The following PKIB variants were observed in gnomAD, a reference collection of about 807,000 sequenced individuals.
PKIB encodes cAMP-dependent protein kinase inhibitor beta, also known as PKI-beta.
In PKIB, 2 loss-of-function variants were observed where a neutral mutation model predicts 4.5. The observed-to-expected ratio is 0.44, with a 90% confidence interval of 0.18 to 1.39. PKIB has a LOEUF of 1.39. Among genes scored for constraint, PKIB ranks in the 40% most tolerant of loss-of-function variants. The pLI, the probability that PKIB is intolerant of heterozygous loss-of-function variation, is 0.27. For synonymous variants in PKIB, 38 were observed against 36.0 expected, an observed-to-expected ratio of 1.06 and a Z score of -0.20; for missense variants, 94 against 92.6, an observed-to-expected ratio of 1.02 and a Z score of -0.06.
At chr6:122,707,629 G>A (rs973350843) in intron 3 of PKIB, among the ~76,000 whole-genome samples, 3 of 152,024 alleles carry the variant, frequency 2.0e-5, no homozygotes, top group African/African-American at 7.2e-5. Context: ...GTTGGTATAT[G>A]CTCTCTAATG....
intron 2 of PKIB, among the ~76,000 whole-genome samples, chr6:122,557,905 A>T (rs1772893967): frequency 6.6e-6 from 1 of 152,152 alleles, no homozygotes; most frequent in Non-Finnish European, 1.5e-5. Context: ...TTTACAATGT[A>T]TCCCTTACCC....
intron 3 of PKIB, among the ~76,000 whole-genome samples, chr6:122,600,037 A>AGC (rs61540400): frequency 1.7e-3 from 260 of 149,858 alleles, no homozygotes; most frequent in Non-Finnish European, 2.5e-3. Context: ...CTATAGCTAT[A>AGC]TCTATCTATA....
At chr6:122,544,549 T>G (rs2114643786) in intron 2 of PKIB, among the ~76,000 whole-genome samples, 1 of 152,098 alleles carries the variant, frequency 6.6e-6, no homozygotes, top group East Asian at 1.9e-4. Context: ...AGGGGTGTTT[T>G]GAGATTTGGG....
At chr6:122,597,089 G>A (rs2082195) in intron 3 of PKIB, among the ~76,000 whole-genome samples, 58,549 of 151,912 alleles carry the variant, frequency 0.39, 11,815 homozygotes, top group South Asian at 0.58. Flanking sequence ...TTTTACTGAG[G>A]TAGAAAGTCC....
chr6:122,486,141 T>C (rs529001504), intron 2 of PKIB, among the ~76,000 whole-genome samples: 1 of 152,250 alleles, frequency 6.6e-6, no homozygotes, highest in African/African-American at 2.4e-5. Context: ...AACTTAAAAA[T>C]AAACTTTTTT....
intron 2 of PKIB, among the ~76,000 whole-genome samples, chr6:122,530,249 T>G (rs1432546081): frequency 6.6e-6 from 1 of 152,148 alleles, no homozygotes; most frequent in East Asian, 1.9e-4. Flanking sequence ...ATTGTTGAAA[T>G]TTTCAGCTCC....
intron 3 of PKIB, among the ~76,000 whole-genome samples, chr6:122,695,586 G>T (rs1022017928): frequency 2.6e-5 from 4 of 152,090 alleles, no homozygotes; most frequent in Non-Finnish European, 4.4e-5. Context: ...AAATATTCTT[G>T]TTGAAATGAT....
chr6:122,633,634 A>T (rs1474015638), intron 2 of PKIB, among the ~76,000 whole-genome samples: 1 of 152,148 alleles, frequency 6.6e-6, no homozygotes, highest in African/African-American at 2.4e-5. Context: ...TTGGTTTGAT[A>T]TTTCCACTCT....
At chr6:122,600,428 T>C (rs898027507) in intron 3 of PKIB, among the ~76,000 whole-genome samples, 1 of 152,178 alleles carries the variant, frequency 6.6e-6, no homozygotes, top group African/African-American at 2.4e-5. Context: ...GTATTAACTA[T>C]CACAGACTGA....
chr6:122,677,938 C>T (rs1238916443), intron 3 of PKIB, among the ~76,000 whole-genome samples: 2 of 151,496 alleles, frequency 1.3e-5, no homozygotes, highest in Admixed American at 6.6e-5. Context: ...AATGGAGTCT[C>T]GCTCTGTCGC....
At chr6:122,587,773 G>A (rs1338446423) in intron 3 of PKIB, among the ~76,000 whole-genome samples, 17 of 152,242 alleles carry the variant, frequency 1.1e-4, no homozygotes, top group African/African-American at 3.6e-4. Context: ...TTCTCTGATG[G>A]CCAGTGATGA....
chr6:122,525,501 A>G (rs1051455061), intron 2 of PKIB, among the ~76,000 whole-genome samples: 11 of 152,208 alleles, frequency 7.2e-5, no homozygotes, highest in African/African-American at 2.7e-4. Context: ...TGGTTTATAC[A>G]GACATACCTT....
At chr6:122,716,585 G>T (rs1779506478) in intron 3 of PKIB, among the ~76,000 whole-genome samples, 1 of 151,966 alleles carries the variant, frequency 6.6e-6, no homozygotes, top group Non-Finnish European at 1.5e-5. Context: ...GACTCCTAAG[G>T]ACCATGCTAA....
chr6:122,554,778 C>CA (rs1772789687), intron 2 of PKIB, among the ~76,000 whole-genome samples: 3 of 152,072 alleles, frequency 2.0e-5, no homozygotes, highest in South Asian at 2.1e-4. Context: ...GCTGGGGCAC[C>CA]AAAAAATCAA....
At chr6:122,672,960 G>C (rs940944074) in intron 2 of PKIB, among the ~76,000 whole-genome samples, 1 of 151,962 alleles carries the variant, frequency 6.6e-6, no homozygotes, top group Non-Finnish European at 1.5e-5. Context: ...TCAACCTTTA[G>C]TATTTTTGTG....
At chr6:122,643,794 C>G (rs1198275264) in intron 2 of PKIB, 1 of 152,046 alleles carries the variant, frequency 6.6e-6, no homozygotes, top group East Asian at 1.9e-4. Context: ...GAGGTTATAA[C>G]TTTCATAAAG....
chr6:122,516,714 A>T (rs1282428639), intron 2 of PKIB, among the ~76,000 whole-genome samples: 1 of 152,176 alleles, frequency 6.6e-6, no homozygotes, highest in Admixed American at 6.5e-5. Context: ...AGTAGGACAG[A>T]TGAGTATTAG....
intron 2 of PKIB, among the ~76,000 whole-genome samples, chr6:122,580,968 G>A (rs1419484321): frequency 6.6e-6 from 1 of 152,112 alleles, no homozygotes; most frequent in Non-Finnish European, 1.5e-5. Flanking sequence ...ACCACTAGGT[G>A]GATGGTGCAG....
chr6:122,485,902 C>T (rs552680061), intron 2 of PKIB, among the ~76,000 whole-genome samples: 1 of 152,104 alleles, frequency 6.6e-6, no homozygotes, highest in Non-Finnish European at 1.5e-5. Flanking sequence ...GTAATTGTCA[C>T]CAAAAATTGT....
Sources: gnomAD v4.1 joint callset for allele counts (sites outside exome capture counted in the v4.1 genomes callset) on GRCh38, gnomAD v4.1.1 for gene constraint, MANE v1.5 for transcripts, NCBI Gene and HGNC (gene_info 2026-07-23, HGNC 2026-07-21) for gene names.